MAP3K15: variants seen among roughly 807,000 people sequenced by gnomAD.
The protein encoded by MAP3K15 is mitogen-activated protein kinase kinase kinase 15, also known as MAPK/ERK kinase kinase 15.
Under a neutral mutation model 99.5 loss-of-function variants are expected in MAP3K15, and 124 were observed. That is an observed-to-expected ratio of 1.25 (90% CI 1.08 to 1.45). MAP3K15 has a LOEUF of 1.45. Among genes scored for constraint, MAP3K15 ranks in the 40% most tolerant of loss-of-function variants. The probability of loss-of-function intolerance (pLI) is 0.00; values close to 1 mark genes in which losing one functional copy is unlikely to be tolerated. For synonymous variants in MAP3K15, 494 were observed against 439.6 expected (o/e 1.12, Z -1.55); for missense variants, 1,242 against 1,079.7 (o/e 1.15, Z -2.11).
At chrX:19,401,100 T>G (rs1016588387) in intron 13 of MAP3K15, among the ~76,000 whole-genome samples, 15 of 112,018 alleles carry the variant, frequency 1.3e-4, no homozygotes, top group Non-Finnish European at 3.8e-5. Flanking sequence ...CATGTCCCTA[T>G]AAGTCTTTCC....
Position 19,371,066 on chromosome X carries a change from T to TA in MAP3K15, c.3295-3dup, listed in dbSNP as rs372545551. 0.028 allele frequency: 24,342 copies of TA among 856,649 alleles called. 167 individuals carry two copies. The highest frequency in any genetic ancestry group is 0.12 in the African/African-American group (5,061 of 42,376). 70.6% of individuals were successfully genotyped at this position (856,649 alleles called of 1,213,427 possible). ...GTGGTTCCTCAAAATTTTATTTACCTAAAAAAAAAAAAAATAATAAAATAA... is the reference window on the plus strand; with the variant it reads ...GTGGTTCCTCAAAATTTTATTTACCTAAAAAAAAAAAAAAATAATAAAATAA... On this transcript the variant is annotated splice_region_variant and splice_polypyrimidine_tract_variant and intron_variant, in intron 23 of 28. Transcript: ENST00000338883.
chrX:19,464,513 A>C, intron 3 of MAP3K15, 107 bp from the exon 4 acceptor site: 1 of 570,166 alleles, frequency 1.8e-6, no homozygotes, highest in South Asian at 3.2e-5. Flanking sequence ...CTTGAGGATG[A>C]AAACAATTCG....
At chrX:19,456,873 T>C (rs1322159961) in intron 6 of MAP3K15, 40 bp downstream of exon 6, 1 of 983,932 alleles carries the variant, frequency 1.0e-6, no homozygotes, top group East Asian at 3.2e-5. Context: ...ATTCAATGGG[T>C]GGCATGTTTC....
chrX:19,398,296 C>A lies in MAP3K15; in HGVS notation c.1996G>T (p.Val666Leu). The change falls in exon 15 of 29, where the codon GTG (valine) becomes TTG (leucine). Residue 666 changes from valine (V) to leucine (L), a missense_variant. Val to Leu is a conservative substitution (Grantham distance 32). Transcript: ENST00000338883. ...TTGCTCAGATCTCGGCCAGCATACA[C>A]AATCCCATACGTGCCTTTCCCCAAG... is the stretch of plus-strand genomic sequence containing the variant. ...VVLGKGTYGI[V>L]YAGRDLSNQV... The A allele has an allele frequency of 8.3e-7, 1 of 1,211,099 alleles. No homozygotes were observed. Among genetic ancestry groups the A allele is most frequent in the South Asian group, 1.8e-5 (1 of 56,962 alleles).
intron 1 of MAP3K15, among the ~76,000 whole-genome samples, chrX:19,503,383 C>G (rs1055538053): frequency 8.9e-6 from 1 of 111,987 alleles, no homozygotes; most frequent in African/African-American, 3.2e-5. Flanking sequence ...TTCCTCTGAA[C>G]TTTAAGCATT....
At chrX:19,368,876 T>C (rs1270949961) in intron 25 of MAP3K15, among the ~76,000 whole-genome samples, 178 bp downstream of exon 25, 1 of 106,518 alleles carries the variant, frequency 9.4e-6, no homozygotes, top group Non-Finnish European at 1.9e-5. Context: ...AAGGCATTCC[T>C]CTAGTCCCTC....
intron 3 of MAP3K15, among the ~76,000 whole-genome samples, chrX:19,474,091 T>C (rs975707726): frequency 1.8e-5 from 2 of 111,942 alleles, no homozygotes; most frequent in African/African-American, 6.5e-5. Context: ...TTAAGGTTCT[T>C]AATATATGTT....
chrX:19,401,718 T>A (rs775568324), intron 13 of MAP3K15, among the ~76,000 whole-genome samples: 1 of 97,847 alleles, frequency 1.0e-5, no homozygotes, highest in South Asian at 4.1e-4. Context: ...TTCTCACAAA[T>A]TCTACTGGGC....
chrX:19,493,148 G>A (rs763506060), intron 1 of MAP3K15, among the ~76,000 whole-genome samples: 10 of 109,722 alleles, frequency 9.1e-5, no homozygotes, highest in African/African-American at 2.3e-4. Flanking sequence ...CAGTAGTCCC[G>A]AAGTCACACA....
At chrX:19,373,470 G>A (rs1350637654) in intron 21 of MAP3K15, 66 bp downstream of exon 21, 2 of 1,128,724 alleles carry the variant, frequency 1.8e-6, no homozygotes, top group Non-Finnish European at 2.4e-6. Flanking sequence ...CCAGGGAGGT[G>A]CCCTGTGGCG....
chrX:19,360,102 T>TTTAA lies in MAP3K15; in HGVS notation c.*643_*646dup. On this transcript the variant is annotated 3_prime_UTR_variant, in exon 29 of 29. Transcript: ENST00000338883. ...TTATCAGGCAAGAGGACAGTTCCAT[T>TTTAA]TTAAAATAAGACTTTTGTAATCATT... 1 of 150,812 alleles carries TTTAA rather than the reference T, an allele frequency of 6.6e-6. No homozygotes were observed. Among genetic ancestry groups the TTTAA allele is most frequent in the South Asian group, 1.3e-4 (1 of 7,876 alleles). The allele number at this position is 150,812 out of a possible 1,213,427, so 12.4% of individuals were successfully genotyped here. A position where few individuals can be genotyped will look rare whatever the true frequency, so the allele number is the denominator to read the frequency against.
At chrX:19,380,791 G>A (rs966980216) in intron 18 of MAP3K15, among the ~76,000 whole-genome samples, 2 of 112,898 alleles carry the variant, frequency 1.8e-5, no homozygotes, top group African/African-American at 6.4e-5. Flanking sequence ...AAAGTGCTGG[G>A]ATTATAGGCG....
intron 7 of MAP3K15, among the ~76,000 whole-genome samples, chrX:19,429,760 AAGAGAGAGAGAGAGAGAGAGAGAGAGAG>A (rs369383239): frequency 0.017 from 555 of 33,229 alleles, 13 homozygotes; most frequent in African/African-American, 0.029. Context: ...GTATGAAAGG[AAGAGAGAGAGAGAGAGAGAGAGAGAGAG>A]AGAGAGAGAG....
chrX:19,370,827 C>T, intron 24 of MAP3K15, 132 bp downstream of exon 24: 1 of 536,810 alleles, frequency 1.9e-6, no homozygotes, highest in South Asian at 2.8e-5. Context: ...AAGTCTATGA[C>T]AACATGCATT....
chrX:19,490,644 G>A (rs908377950), intron 1 of MAP3K15, among the ~76,000 whole-genome samples: 1 of 109,885 alleles, frequency 9.1e-6, no homozygotes, highest in Admixed American at 9.8e-5. Flanking sequence ...AGTTATTCAG[G>A]AGGCTAAGGT....
chrX:19,391,019 T>C (rs1288534613), intron 18 of MAP3K15, among the ~76,000 whole-genome samples: 2 of 112,090 alleles, frequency 1.8e-5, no homozygotes, highest in Non-Finnish European at 3.8e-5. Context: ...ATTCTACTTA[T>C]TGATCTTACA....
At chrX:19,460,386 G>A (rs746360709) in intron 4 of MAP3K15, among the ~76,000 whole-genome samples, 31 of 111,909 alleles carry the variant, frequency 2.8e-4, no homozygotes, top group African/African-American at 1.0e-3. Flanking sequence ...ACTTTCAAAG[G>A]TGACTCCCAT....
chrX:19,368,744 G>T (rs1415988551), intron 25 of MAP3K15, among the ~76,000 whole-genome samples: 1 of 111,169 alleles, frequency 9.0e-6, no homozygotes, highest in African/African-American at 3.3e-5. Context: ...CCGTCTTGGT[G>T]AAAAGAGAGA....
Position 19,494,163 on chromosome X carries a change from A to G in MAP3K15, c.362-5196T>C, listed in dbSNP as rs141731130. On this transcript the variant is annotated intron_variant, in intron 1 of 28. Transcript: ENST00000338883. ...CCCACCCTACCTATCTTGGTTTAGC[A>G]AACTTTAAGAAGTGATACCAGGCAT... Among the ~76,000 whole-genome samples the G allele has an allele frequency of 2.5e-3, 282 of 111,088 alleles. 2 individuals are homozygous for G. Among genetic ancestry groups the G allele is most frequent in the African/African-American group, 9.0e-3 (275 of 30,631 alleles).
Sources: allele counts gnomAD v4.1 joint callset (sites outside exome capture counted in the v4.1 genomes callset), GRCh38; gene constraint gnomAD v4.1.1; transcripts MANE v1.5; gene names NCBI Gene and HGNC (gene_info 2026-07-23, HGNC 2026-07-21).